The following CACNG3 variants were observed in gnomAD, a reference collection of about 807,000 sequenced individuals.
CACNG3 encodes the protein voltage-dependent calcium channel gamma-3 subunit.
In CACNG3, 3 loss-of-function variants were observed where a neutral mutation model predicts 28.5. The ratio of observed to expected loss-of-function variants is 0.11; its 90% CI spans 0.05 to 0.27. The LOEUF is 0.27. Among genes scored for constraint, CACNG3 ranks in the 10% least tolerant of loss-of-function variants. The pLI is 1.00. For missense variants in CACNG3, 236 were observed against 414.4 expected, an observed-to-expected ratio of 0.57 and a Z score of 3.74; for synonymous variants, 174 against 162.2, an observed-to-expected ratio of 1.07 and a Z score of -0.55.
chr16:24,328,663 T>G (rs1423319970), intron 1 of CACNG3, among the ~76,000 whole-genome samples: 1 of 152,004 alleles, frequency 6.6e-6, no homozygotes, highest in Admixed American at 6.6e-5. Flanking sequence ...AGAAAGTGAC[T>G]GGAGATGTTC....
At position 24,283,268 on chromosome 16, in the gene CACNG3, T is replaced by C. The variant is rs556321956; in HGVS notation, c.211+26303T>C. Among the ~76,000 whole-genome samples, 5 of 152,324 alleles carry C rather than the reference T, an allele frequency of 3.3e-5. No homozygotes were observed. In the South Asian group the frequency reaches 1.0e-3, roughly 32 times the overall value. ...GGATATTGAGATATTAATTTTAAAA[T>C]GTAATTAACAGGCTTATTTGGGAAT... On this transcript the variant is annotated intron_variant, in intron 1 of 3. Coordinates refer to ENST00000005284, the MANE Select transcript of CACNG3 (RefSeq NM_006539.4).
At chr16:24,291,210 C>A (rs899925397) in intron 1 of CACNG3, among the ~76,000 whole-genome samples, 6 of 152,306 alleles carry the variant, frequency 3.9e-5, no homozygotes, top group Admixed American at 6.5e-5. Context: ...TCAATAGCCA[C>A]GTTGTTGTTG....
intron 1 of CACNG3, among the ~76,000 whole-genome samples, chr16:24,283,058 C>T (rs138753176): frequency 2.6e-5 from 4 of 152,058 alleles, no homozygotes; most frequent in East Asian, 1.9e-4. Context: ...TTAGTAGAGA[C>T]GAGTTTTCAC....
chr16:24,270,427 G>A (rs1439353037), intron 1 of CACNG3, among the ~76,000 whole-genome samples: 2 of 152,220 alleles, frequency 1.3e-5, no homozygotes, highest in Non-Finnish European at 2.9e-5. Flanking sequence ...AATCTGGCAG[G>A]CAATCAAAAT....
At chr16:24,323,510 GT>G (rs1035847701) in intron 1 of CACNG3, among the ~76,000 whole-genome samples, 4 of 152,304 alleles carry the variant, frequency 2.6e-5, no homozygotes, top group African/African-American at 9.6e-5. Flanking sequence ...GAAGCTCAGA[GT>G]GGTTGAATAA....
chr16:24,346,685 A>G (rs111726266), intron 1 of CACNG3, 49 bp from the exon 2 acceptor site: 45,516 of 1,395,810 alleles, frequency 0.033, 1,497 homozygotes, highest in African/African-American at 0.15. Flanking sequence ...GCTGGCCCCC[A>G]GAGCTCTGTC....
intron 1 of CACNG3, among the ~76,000 whole-genome samples, chr16:24,276,619 T>C (rs1898756434): frequency 6.6e-6 from 1 of 152,234 alleles, no homozygotes. Flanking sequence ...GACTTCTCTT[T>C]AGTTGCAGCT....
At chr16:24,358,831 G>A (rs765328088) in intron 3 of CACNG3, among the ~76,000 whole-genome samples, 1 of 152,118 alleles carries the variant, frequency 6.6e-6, no homozygotes, top group African/African-American at 2.4e-5. Context: ...GGCTGTGCTC[G>A]ACATGGGAAG....
At chr16:24,285,183 C>A (rs919386375) in intron 1 of CACNG3, among the ~76,000 whole-genome samples, 9 of 152,110 alleles carry the variant, frequency 5.9e-5, no homozygotes, top group African/African-American at 2.2e-4. Context: ...CTTGGACGTG[C>A]AAAGCCAAAA....
At chr16:24,342,361 AC>A (rs1320128369) in intron 1 of CACNG3, among the ~76,000 whole-genome samples, 1 of 152,224 alleles carries the variant, frequency 6.6e-6, no homozygotes, top group Non-Finnish European at 1.5e-5. Flanking sequence ...TAAAACAAAC[AC>A]ACACAGATTA....
At position 24,264,047 on chromosome 16, in the gene CACNG3, T is replaced by G. The variant is rs137889387; in HGVS notation, c.211+7082T>G. Among the ~76,000 whole-genome samples the G allele has an allele frequency of 4.7e-4, 71 of 152,316 alleles. 1 individual carries two copies. The highest frequency in any genetic ancestry group is 1.3e-3 in the African/African-American group (55 of 41,560). On this transcript the variant is annotated intron_variant, in intron 1 of 3. Transcript: ENST00000005284. Reference sequence around the variant, plus strand: ...AACAGAGCTAAGAGGAGGCATGGGATTGGAGTAGCTTGTTTGGAAAGGTGA... The same window carrying G: ...AACAGAGCTAAGAGGAGGCATGGGAGTGGAGTAGCTTGTTTGGAAAGGTGA...
At chr16:24,313,041 AAGAG>A (rs914020441) in intron 1 of CACNG3, among the ~76,000 whole-genome samples, 2 of 141,780 alleles carry the variant, frequency 1.4e-5, no homozygotes, top group African/African-American at 2.7e-5. Context: ...AAAGAAGAGA[AAGAG>A]AGGGAGAGAG....
chr16:24,263,201 A>G (rs146348126), intron 1 of CACNG3, among the ~76,000 whole-genome samples: 2 of 152,170 alleles, frequency 1.3e-5, no homozygotes, highest in African/African-American at 4.8e-5. Flanking sequence ...AATGTTGTGG[A>G]TTTATTCTCT....
chr16:24,328,098 A>C (rs1318535995), intron 1 of CACNG3, among the ~76,000 whole-genome samples: 2 of 152,158 alleles, frequency 1.3e-5, no homozygotes, highest in African/African-American at 4.8e-5. Flanking sequence ...TTTACAATAG[A>C]GAGGAATAAA....
chr16:24,259,942 G>A (rs997077115), intron 1 of CACNG3, among the ~76,000 whole-genome samples: 2 of 152,228 alleles, frequency 1.3e-5, no homozygotes, highest in Non-Finnish European at 2.9e-5. Context: ...CCATAGGTCT[G>A]AGGTAGACCA....
intron 1 of CACNG3, among the ~76,000 whole-genome samples, chr16:24,258,381 T>C (rs537545917): frequency 3.3e-5 from 5 of 152,336 alleles, no homozygotes; most frequent in East Asian, 1.9e-4. Flanking sequence ...GCAAGGATCA[T>C]GTGAAGTCAG....
intron 1 of CACNG3, among the ~76,000 whole-genome samples, chr16:24,342,245 G>A (rs908151302): frequency 6.6e-6 from 1 of 152,084 alleles, no homozygotes; most frequent in Non-Finnish European, 1.5e-5. Flanking sequence ...TCCAGCCTGG[G>A]TGACAAAGCA....
intron 1 of CACNG3, among the ~76,000 whole-genome samples, chr16:24,289,957 G>A (rs1296758597): frequency 6.6e-6 from 1 of 152,212 alleles, no homozygotes; most frequent in Non-Finnish European, 1.5e-5. Flanking sequence ...GAAAGATTTG[G>A]GGCAGTGGCT....
chr16:24,265,110 C>A (rs1898580053), intron 1 of CACNG3, among the ~76,000 whole-genome samples: 1 of 152,014 alleles, frequency 6.6e-6, no homozygotes, highest in Admixed American at 6.6e-5. Context: ...GGTGTGCTGG[C>A]ATGCTCTTAT....
Sources: gnomAD v4.1 joint callset for allele counts (sites outside exome capture counted in the v4.1 genomes callset) on GRCh38, gnomAD v4.1.1 for gene constraint, MANE v1.5 for transcripts, NCBI Gene and HGNC (gene_info 2026-07-23, HGNC 2026-07-21) for gene names.